Variants in PBX3 observed in about 807,000 individuals in gnomAD.
PBX3 encodes PBX homeobox 3.
PBX3 carries 14 observed loss-of-function variants against 48.5 expected under a neutral mutation model. The observed-to-expected ratio is 0.29, with a 90% CI of 0.19 to 0.45. PBX3 has a LOEUF of 0.45. Ranked by LOEUF, PBX3 falls within the 20% of genes least tolerant of loss-of-function variation. The pLI is 1.00. For missense variants in PBX3, 386 were observed against 546.7 expected (o/e 0.71, Z 2.93); for synonymous variants, 210 against 200.3 (o/e 1.05, Z -0.41).
At chr9:125,865,053 G>A (rs1424951899) in intron 2 of PBX3, among the ~76,000 whole-genome samples, 1 of 152,216 alleles carries the variant, frequency 6.6e-6, no homozygotes, top group African/African-American at 2.4e-5. Context: ...GCGCTGTTCG[G>A]ATTACTTCCT....
At chr9:125,866,274 G>T (rs934350780) in intron 2 of PBX3, among the ~76,000 whole-genome samples, 2 of 152,078 alleles carry the variant, frequency 1.3e-5, no homozygotes, top group Non-Finnish European at 2.9e-5. Context: ...ATTCCATGTT[G>T]CCTTTTTTGT....
At chr9:125,772,626 A>G (rs540336231) in intron 2 of PBX3, among the ~76,000 whole-genome samples, 1 of 152,350 alleles carries the variant, frequency 6.6e-6, no homozygotes, top group South Asian at 2.1e-4. Context: ...CTTTTCCTAA[A>G]GTAAGGCCAC....
chr9:125,752,608 T>G (rs1016903805), intron 2 of PBX3, among the ~76,000 whole-genome samples: 2 of 152,184 alleles, frequency 1.3e-5, no homozygotes, highest in Non-Finnish European at 2.9e-5. Context: ...ACCCACAGGT[T>G]TAGAGACTCT....
rs530407320 is a variant in PBX3 at position 125,929,967 on chromosome 9, T to C, written c.707+122T>C. 1.3e-3 allele frequency: 924 copies of C among 713,722 alleles called. 2 individuals are homozygous for C. Among genetic ancestry groups the C allele is most frequent in the Non-Finnish European group, 1.4e-3 (566 of 414,712 alleles). 44.2% of individuals were successfully genotyped at this position (713,722 alleles called of 1,614,324 possible). On this transcript the variant is annotated intron_variant, in intron 4 of 8. Transcript: ENST00000373489. ...TTGGCCATATGAGTCTTTTGTACAA[T>C]GGACAGGTAATTCAACTCATGGTTC...
At chr9:125,752,759 A>T (rs1255408020) in intron 2 of PBX3, among the ~76,000 whole-genome samples, 1 of 152,214 alleles carries the variant, frequency 6.6e-6, no homozygotes, top group Non-Finnish European at 1.5e-5. Context: ...TTTAGCAAGA[A>T]AGGTGAAAAT....
At chr9:125,757,615 C>A (rs909295206) in intron 2 of PBX3, among the ~76,000 whole-genome samples, 1 of 152,094 alleles carries the variant, frequency 6.6e-6, no homozygotes, top group Non-Finnish European at 1.5e-5. Context: ...ACTGTCAGTA[C>A]TGGTAAGAAC....
chr9:125,772,541 G>A (rs1477041783), intron 2 of PBX3, among the ~76,000 whole-genome samples: 1 of 152,192 alleles, frequency 6.6e-6, no homozygotes, highest in Non-Finnish European at 1.5e-5. Context: ...TAATAGATGA[G>A]TCCTACTTCT....
At chr9:125,873,253 GT>G (rs1221639385) in intron 2 of PBX3, among the ~76,000 whole-genome samples, 1 of 151,810 alleles carries the variant, frequency 6.6e-6, no homozygotes, top group East Asian at 1.9e-4. Flanking sequence ...ATTCCTAATT[GT>G]GGGGAGATTT....
chr9:125,748,636 G>GC lies in PBX3; in HGVS notation c.274+17dup. The GC allele has an allele frequency of 6.2e-7, 1 of 1,609,916 alleles. No homozygotes were observed. The highest frequency in any genetic ancestry group is 8.5e-7 in the Non-Finnish European group (1 of 1,177,524). ...AAAGAGAAAACAGGTAAGACGCTGC[G>GC]CCCCGCAGTGGGCCTGGAGACCCCC... On this transcript the variant is annotated intron_variant, in intron 2 of 8. Transcript: ENST00000373489.
chr9:125,776,349 T>A (rs1017096656), intron 2 of PBX3, among the ~76,000 whole-genome samples: 3 of 152,116 alleles, frequency 2.0e-5, no homozygotes, highest in African/African-American at 7.2e-5. Flanking sequence ...CCTTGATTGG[T>A]TTTGTGTGTT....
chr9:125,795,007 C>T (rs1028742139), intron 2 of PBX3, among the ~76,000 whole-genome samples: 3 of 152,236 alleles, frequency 2.0e-5, no homozygotes, highest in Non-Finnish European at 4.4e-5. Flanking sequence ...GGCAGACCAG[C>T]CTTTTACTAA....
intron 2 of PBX3, among the ~76,000 whole-genome samples, chr9:125,808,615 A>G (rs1217613013): frequency 6.6e-6 from 1 of 152,182 alleles, no homozygotes; most frequent in Non-Finnish European, 1.5e-5. Context: ...TCAGTGAGTT[A>G]TGATCATGCT....
intron 2 of PBX3, among the ~76,000 whole-genome samples, chr9:125,875,872 T>C (rs1446381227): frequency 6.6e-6 from 1 of 152,160 alleles, no homozygotes; most frequent in African/African-American, 2.4e-5. Flanking sequence ...AGTTACAAAT[T>C]AGAAACAAGA....
chr9:125,947,058 C>T (rs1046304259), intron 5 of PBX3, among the ~76,000 whole-genome samples: 9 of 152,034 alleles, frequency 5.9e-5, no homozygotes, highest in South Asian at 2.1e-4. Context: ...ATTAAATGTC[C>T]GCCTAGAATT....
intron 2 of PBX3, among the ~76,000 whole-genome samples, chr9:125,843,379 C>A (rs73667095): frequency 0.058 from 8,864 of 151,908 alleles, 591 homozygotes; most frequent in East Asian, 0.17. Flanking sequence ...TTAACTAATT[C>A]TTATTTATAT....
chr9:125,883,390 A>G (rs557857066), intron 2 of PBX3, among the ~76,000 whole-genome samples: 1 of 152,354 alleles, frequency 6.6e-6, no homozygotes, highest in South Asian at 2.1e-4. Context: ...AAGTAATACA[A>G]AAGTAATCTA....
intron 2 of PBX3, among the ~76,000 whole-genome samples, chr9:125,906,708 G>C (rs946146299): frequency 6.6e-6 from 1 of 151,810 alleles, no homozygotes; most frequent in African/African-American, 2.4e-5. Flanking sequence ...CTCCCCATTG[G>C]TTGTTTCTGA....
At chr9:125,845,730 G>T (rs1437206102) in intron 2 of PBX3, among the ~76,000 whole-genome samples, 4 of 151,962 alleles carry the variant, frequency 2.6e-5, no homozygotes, top group Admixed American at 6.6e-5. Flanking sequence ...TGTCTGCCCT[G>T]ATTTAAAAAT....
At chr9:125,757,283 T>A (rs7023767) in intron 2 of PBX3, among the ~76,000 whole-genome samples, 6,918 of 149,644 alleles carry the variant, frequency 0.046, 326 homozygotes, top group African/African-American at 0.12. Flanking sequence ...TGTTTTTTTT[T>A]AAAAAAAAAA....
Sources: allele counts gnomAD v4.1 joint callset (sites outside exome capture counted in the v4.1 genomes callset), GRCh38; gene constraint gnomAD v4.1.1; transcripts MANE v1.5; gene names NCBI Gene and HGNC (gene_info 2026-07-23, HGNC 2026-07-21).